YES1: variants seen among roughly 807,000 people sequenced by gnomAD.
YES1 encodes tyrosine-protein kinase Yes.
YES1 carries 39 observed loss-of-function variants against 70.4 expected under a neutral mutation model. That is an observed-to-expected ratio of 0.55 (90% CI 0.43 to 0.72). The LOEUF (loss-of-function observed/expected upper bound fraction) is 0.72. YES1 is among the 30% of genes least tolerant of loss of function. The pLI is 0.00. For missense variants in YES1, 495 were observed against 644.8 expected, an observed-to-expected ratio of 0.77 and a Z score of 2.52; for synonymous variants, 198 against 218.6, an observed-to-expected ratio of 0.91 and a Z score of 0.83.
chr18:773,760 A>G (rs1013940331), intron 1 of YES1, among the ~76,000 whole-genome samples: 1 of 151,996 alleles, frequency 6.6e-6, no homozygotes, highest in Non-Finnish European at 1.5e-5. Context: ...ATACAATCTG[A>G]TCCAATGCTG....
intron 11 of YES1, 33 bp from the exon 12 acceptor site, chr18:724,665 T>C: frequency 6.4e-7 from 1 of 1,571,794 alleles, no homozygotes; most frequent in South Asian, 1.1e-5. Flanking sequence ...TAAAGAACAA[T>C]GGTCCTAACT....
intron 1 of YES1, among the ~76,000 whole-genome samples, chr18:788,724 G>A (rs745604838): frequency 4.6e-5 from 7 of 152,008 alleles, no homozygotes; most frequent in Non-Finnish European, 8.8e-5. Context: ...GTTTGAGACC[G>A]GCCTGGCCAA....
chr18:732,465 C>CA (rs2080104098), intron 11 of YES1, among the ~76,000 whole-genome samples: 1 of 135,522 alleles, frequency 7.4e-6, no homozygotes, highest in Non-Finnish European at 1.6e-5. Flanking sequence ...AAACAAAACA[C>CA]CAATCACACT....
chr18:730,598 C>T (rs973470870), intron 11 of YES1, among the ~76,000 whole-genome samples: 1 of 152,136 alleles, frequency 6.6e-6, no homozygotes, highest in African/African-American at 2.4e-5. Flanking sequence ...GGATCTCTGC[C>T]TCATTTGCTT....
chr18:726,880 C>T (rs552472642), intron 11 of YES1, among the ~76,000 whole-genome samples: 1 of 147,246 alleles, frequency 6.8e-6, no homozygotes, highest in Non-Finnish European at 1.5e-5. Context: ...TTAGCATTTA[C>T]CAAGGTTTAT....
chr18:748,549 C>A (rs2080306860), intron 3 of YES1, among the ~76,000 whole-genome samples: 1 of 152,140 alleles, frequency 6.6e-6, no homozygotes, highest in African/African-American at 2.4e-5. Context: ...GCACCCCCAA[C>A]TACCTCCAAC....
chr18:737,499 C>T (rs1420577606), intron 9 of YES1: 1 of 152,464 alleles, frequency 6.6e-6, no homozygotes, highest in Non-Finnish European at 1.5e-5. Context: ...GATTAACCCT[C>T]CTAATGTCTT....
At chr18:732,505 G>A (rs1398908740) in intron 11 of YES1, among the ~76,000 whole-genome samples, 6 of 151,012 alleles carry the variant, frequency 4.0e-5, no homozygotes, top group South Asian at 4.2e-4. Flanking sequence ...TTAGGGTATA[G>A]GGTGGATGAG....
intron 1 of YES1, among the ~76,000 whole-genome samples, chr18:801,527 G>A (rs950427905): frequency 5.9e-5 from 9 of 152,120 alleles, no homozygotes; most frequent in African/African-American, 9.7e-5. Flanking sequence ...CAACACGTCT[G>A]AAATTTTAAC....
chr18:805,178 C>A (rs1462304290), intron 1 of YES1, among the ~76,000 whole-genome samples: 3 of 152,138 alleles, frequency 2.0e-5, no homozygotes, highest in Non-Finnish European at 4.4e-5. Flanking sequence ...CTAGAGTGTA[C>A]TTACACAAAC....
chr18:736,914 T>C lies in YES1; in HGVS notation c.1185A>G (p.Arg395=). The C allele has an allele frequency of 1.2e-6, 2 of 1,612,086 alleles. No individual in the cohort carries two copies. The highest frequency in any genetic ancestry group is 1.7e-6 in the Non-Finnish European group (2 of 1,179,988). The change falls in exon 10 of 12, where the codon CGA becomes CGG. Residue 395 remains arginine (R), a synonymous_variant. Transcript: ENST00000314574. ...AYIERMNYIH[R]DLRAANILVG... ...CAAGAATATTAGCAGCCCGAAGATCTCGGTGAATATAGTTCATTCTTTCAA... is the reference window on the plus strand; with the variant it reads ...CAAGAATATTAGCAGCCCGAAGATCCCGGTGAATATAGTTCATTCTTTCAA...
At position 787,080 on chromosome 18, in the gene YES1, C is replaced by CTTT. The variant is rs71174290; in HGVS notation, c.-9+25031_-9+25033dup. Reference sequence around the variant, plus strand: ...TTTAAAAAACTGTGATACATACTGTCTTTTTTTTTTTTTTTTTTTTTTTTT... The same window carrying CTTT: ...TTTAAAAAACTGTGATACATACTGTCTTTTTTTTTTTTTTTTTTTTTTTTTTTT... On this transcript the variant is annotated intron_variant, in intron 1 of 11. Transcript: ENST00000314574. 6.3e-3 allele frequency among the ~76,000 whole-genome samples: 218 copies of CTTT among 34,772 alleles called. 31 individuals are homozygous for CTTT. Among genetic ancestry groups the CTTT allele is most frequent in the Non-Finnish European group, 7.5e-3 (150 of 20,038 alleles). 22.8% of individuals were successfully genotyped at this position (34,772 alleles called of 152,430 possible). A position where few individuals can be genotyped will look rare whatever the true frequency, so the allele number is the denominator to read the frequency against.
intron 8 of YES1, among the ~76,000 whole-genome samples, chr18:740,665 C>T (rs1173057556): frequency 1.3e-5 from 2 of 152,064 alleles, no homozygotes; most frequent in African/African-American, 4.8e-5. Context: ...GGGACAAGTG[C>T]TAAGTGAATA....
chr18:766,612 T>A (rs1025675357), intron 1 of YES1, among the ~76,000 whole-genome samples: 5 of 152,002 alleles, frequency 3.3e-5, no homozygotes, highest in Admixed American at 1.3e-4. Context: ...TAATTTCTCA[T>A]TCTAATTGGT....
At chr18:800,421 C>G (rs549622651) in intron 1 of YES1, among the ~76,000 whole-genome samples, 1 of 152,192 alleles carries the variant, frequency 6.6e-6, no homozygotes, top group Non-Finnish European at 1.5e-5. Flanking sequence ...CAGTTCGAAA[C>G]CTATCTGCCA....
At chr18:725,590 C>CATGAA (rs1370570672) in intron 11 of YES1, among the ~76,000 whole-genome samples, 1 of 152,132 alleles carries the variant, frequency 6.6e-6, no homozygotes, top group Non-Finnish European at 1.5e-5. Flanking sequence ...GTACTGTCAT[C>CATGAA]TTCATAAGTG....
chr18:744,678 C>T (rs547765901), intron 6 of YES1, among the ~76,000 whole-genome samples: 7 of 146,518 alleles, frequency 4.8e-5, no homozygotes, highest in Non-Finnish European at 1.0e-4. Context: ...GAGTGAGCCA[C>T]CACGCCTGGC....
chr18:800,707 T>C (rs947295111), intron 1 of YES1, among the ~76,000 whole-genome samples: 1 of 152,170 alleles, frequency 6.6e-6, no homozygotes, highest in Admixed American at 6.5e-5. Flanking sequence ...AAATTTCCAT[T>C]GGTAGCTTCT....
intron 10 of YES1, 59 bp from the exon 11 acceptor site, chr18:733,024 T>C: frequency 2.6e-6 from 4 of 1,558,312 alleles, no homozygotes; most frequent in Non-Finnish European, 3.5e-6. Context: ...TGTGTAAACA[T>C]AGCATATGCA....
Sources: gnomAD v4.1 joint callset for allele counts (sites outside exome capture counted in the v4.1 genomes callset) on GRCh38, gnomAD v4.1.1 for gene constraint, MANE v1.5 for transcripts, NCBI Gene and HGNC (gene_info 2026-07-23, HGNC 2026-07-21) for gene names.